Variants in USH2A observed in about 807,000 individuals in gnomAD.
USH2A encodes usherin.
USH2A carries 443 observed loss-of-function variants against 538.9 expected under a neutral mutation model. The observed-to-expected ratio is 0.82, with a 90% CI of 0.76 to 0.89. The LOEUF is 0.89. USH2A is among the 40% of genes least tolerant of loss of function. The pLI is 0.00. For missense variants in USH2A, 6,633 were observed against 6,324.8 expected, an observed-to-expected ratio of 1.05 and a Z score of -1.65; for synonymous variants, 2,413 against 2,273.5, an observed-to-expected ratio of 1.06 and a Z score of -1.75.
Position 216,070,206 on chromosome 1 carries a change from C to A in USH2A, c.5944G>T (p.Gly1982Cys), listed in dbSNP as rs2102546165. The A allele has an allele frequency of 6.2e-7, 1 of 1,613,982 alleles. No homozygotes were observed. Reference protein sequence around the residue: ...EVTWDEPVVRGVIEKYILKAY... With the variant: ...EVTWDEPVVRCVIEKYILKAY... The stretch of plus-strand genomic sequence containing the variant: ...TTCAGAATGTACTTCTCAATTACAC[C>A]TCTGACAACAGGTTCATCCCAGGTC... Residue 1982 changes from glycine to cysteine, a missense_variant, in exon 30 of 72, where the codon GGT becomes TGT. Physicochemically the swap from Gly to Cys is radical, Grantham distance 159. Coordinates refer to ENST00000307340, the MANE Select transcript of USH2A (RefSeq NM_206933.4).
chr1:216,262,819 C>CA (rs2036400140), intron 11 of USH2A, among the ~76,000 whole-genome samples: 1 of 151,082 alleles, frequency 6.6e-6, no homozygotes, highest in African/African-American at 2.4e-5. Flanking sequence ...AAATTGAGAC[C>CA]AAAAACAATA....
At chr1:216,388,865 C>T (rs556293149) in intron 3 of USH2A, among the ~76,000 whole-genome samples, 1 of 152,316 alleles carries the variant, frequency 6.6e-6, no homozygotes, top group East Asian at 1.9e-4. Flanking sequence ...TCCCGCAGGT[C>T]TTTCCTTGCC....
chr1:216,280,125 T>C (rs2036745934), intron 11 of USH2A, among the ~76,000 whole-genome samples: 1 of 151,348 alleles, frequency 6.6e-6, no homozygotes, highest in Non-Finnish European at 1.5e-5. Context: ...TGATCTGAAC[T>C]TAAGTCACAC....
intron 55 of USH2A, among the ~76,000 whole-genome samples, chr1:215,769,231 G>A (rs1039118227): frequency 2.6e-5 from 4 of 151,892 alleles, no homozygotes; most frequent in African/African-American, 4.8e-5. Context: ...TTTTTTTCTC[G>A]AATATTCTGA....
chr1:215,950,015 C>G (rs867749869), intron 37 of USH2A, among the ~76,000 whole-genome samples: 118 of 152,228 alleles, frequency 7.8e-4, no homozygotes, highest in African/African-American at 2.5e-3. Flanking sequence ...TTTTATCTAT[C>G]AAATGCATAT....
At chr1:216,248,999 AT>A (rs928982414) in intron 12 of USH2A, among the ~76,000 whole-genome samples, 7 of 152,100 alleles carry the variant, frequency 4.6e-5, no homozygotes, top group Admixed American at 4.6e-4. Context: ...CATTAGTAAG[AT>A]TTAACAGTTT....
chr1:215,749,354 C>G (rs1282300763), intron 58 of USH2A, among the ~76,000 whole-genome samples: 1 of 152,132 alleles, frequency 6.6e-6, no homozygotes, highest in African/African-American at 2.4e-5. Context: ...GCTAGCCAAA[C>G]CATGAGCATA....
rs778202718 is a variant in USH2A at position 216,200,048 on chromosome 1, C to T, written c.3390G>A (p.Val1130=). The change falls in exon 17 of 72, where the codon GTG becomes GTA. Residue 1130 remains valine (V), a synonymous_variant. Transcript: ENST00000307340. ...CAGCTACACTCCTTGTTGAACCATGCACATTGGTGGTCTCAATGTAATAGG... is the reference window on the plus strand; with the variant it reads ...CAGCTACACTCCTTGTTGAACCATGTACATTGGTGGTCTCAATGTAATAGG... ...KYSYYIETTN[V]HGSTRSVAVT... 2 of 1,613,586 alleles carry T rather than the reference C, an allele frequency of 1.2e-6. No homozygotes were observed. Among genetic ancestry groups the T allele is most frequent in the Admixed American group, 1.7e-5 (1 of 59,984 alleles).
chr1:216,188,252 C>T (rs1041813985), intron 20 of USH2A, among the ~76,000 whole-genome samples: 1 of 151,866 alleles, frequency 6.6e-6, no homozygotes, highest in Non-Finnish European at 1.5e-5. Context: ...ACCACTAATG[C>T]ATAGGGCAGG....
chr1:215,889,819 C>T (rs1355416914), intron 40 of USH2A, among the ~76,000 whole-genome samples: 1 of 152,152 alleles, frequency 6.6e-6, no homozygotes, highest in African/African-American at 2.4e-5. Context: ...TATTCTGCAG[C>T]CCTCCAGAGA....
chr1:216,010,411 C>T (rs1334854975), intron 32 of USH2A, among the ~76,000 whole-genome samples: 2 of 152,082 alleles, frequency 1.3e-5, no homozygotes, highest in East Asian at 1.9e-4. Context: ...ACTCCCAGAG[C>T]CCCTGGAACT....
chr1:215,788,053 G>GTATC (rs1283780956), intron 51 of USH2A, among the ~76,000 whole-genome samples: 1 of 152,022 alleles, frequency 6.6e-6, no homozygotes, highest in Non-Finnish European at 1.5e-5. Flanking sequence ...GTATGTGTGT[G>GTATC]TATCTATCTA....
intron 32 of USH2A, among the ~76,000 whole-genome samples, chr1:216,039,814 G>A (rs534291462): frequency 3.3e-4 from 50 of 151,776 alleles, no homozygotes; most frequent in South Asian, 2.3e-3. Flanking sequence ...ATTTCCCATC[G>A]TAAGACTTAA....
At chr1:216,376,740 A>T (rs1481693482) in intron 3 of USH2A, among the ~76,000 whole-genome samples, 1 of 152,184 alleles carries the variant, frequency 6.6e-6, no homozygotes, top group African/African-American at 2.4e-5. Context: ...CCAAGTCAGA[A>T]GGGCCATCAA....
At chr1:215,836,490 ATATATATAATATATATT>A (rs1663505765) in intron 47 of USH2A, among the ~76,000 whole-genome samples, 3 of 21,764 alleles carry the variant, frequency 1.4e-4, no homozygotes, top group Non-Finnish European at 2.2e-4. Context: ...AATATATATT[ATATATATAATATATATT>A]ATATATATAT....
chr1:216,373,168 C>T (rs1444340504), intron 3 of USH2A, among the ~76,000 whole-genome samples: 1 of 152,134 alleles, frequency 6.6e-6, no homozygotes. Flanking sequence ...ATATACTACA[C>T]ATAAGGGGTA....
Position 215,663,342 on chromosome 1 carries a change from A to AT in USH2A, c.14133+7629dup, listed in dbSNP as rs980070523. Among the ~76,000 whole-genome samples, 28 of 152,248 alleles carry AT rather than the reference A, an allele frequency of 1.8e-4. No individual in the cohort carries two copies. In the South Asian group the frequency reaches 2.3e-3, roughly 12 times the overall value. ...ATTTCTTAGTTCTCATAACACACCCATTTTTTTAAATGAGAAAGGTGAAGT... is the reference window on the plus strand; with the variant it reads ...ATTTCTTAGTTCTCATAACACACCCATTTTTTTTAAATGAGAAAGGTGAAGT... On this transcript the variant is annotated intron_variant, in intron 64 of 71. Transcript: ENST00000307340.
At chr1:215,872,914 A>G (rs1196399181) in intron 43 of USH2A, among the ~76,000 whole-genome samples, 5 of 152,020 alleles carry the variant, frequency 3.3e-5, no homozygotes, top group Non-Finnish European at 7.4e-5. Flanking sequence ...ACCTTCCACC[A>G]CGGGTAAAAG....
rs2039684467 is a variant in USH2A at position 216,421,970 on chromosome 1, T to G, written c.367A>C (p.Asn123His). The G allele has an allele frequency of 5.0e-6, 8 of 1,613,962 alleles. No individual in the cohort carries two copies. The highest frequency in any genetic ancestry group is 6.8e-6 in the Non-Finnish European group (8 of 1,179,922). Residue 123 changes from asparagine to histidine, a missense_variant, in exon 2 of 72, where the codon AAT becomes CAT. Transcript: ENST00000307340. Reference sequence around the variant, plus strand: ...TTTCCAAAAATAAAACTTGCAGAATTGCTATGGGCGTTAGGATGCAGATCA... The same window carrying G: ...TTTCCAAAAATAAAACTTGCAGAATGGCTATGGGCGTTAGGATGCAGATCA... ...KNDLHPNAHS[N>H]SASFIFGNHK...
Sources: allele counts gnomAD v4.1 joint callset (sites outside exome capture counted in the v4.1 genomes callset), GRCh38; gene constraint gnomAD v4.1.1; transcripts MANE v1.5; gene names NCBI Gene and HGNC (gene_info 2026-07-23, HGNC 2026-07-21).